The following SHQ1 variants were observed in gnomAD, a reference collection of about 807,000 sequenced individuals.
SHQ1 encodes the protein SHQ1, H/ACA ribonucleoprotein assembly factor, also known as protein SHQ1 homolog.
Under a neutral mutation model 53.8 loss-of-function variants are expected in SHQ1, and 49 were observed. The observed-to-expected ratio is 0.91, with a 90% CI of 0.72 to 1.16. The LOEUF (loss-of-function observed/expected upper bound fraction) is 1.16, where lower values mean the gene tolerates loss of function less well. SHQ1 is among the 50% of genes most tolerant of loss of function. SHQ1 has a pLI of 0.00. For missense variants in SHQ1, 738 were observed against 683.1 expected, an observed-to-expected ratio of 1.08 and a Z score of -0.90; for synonymous variants, 243 against 251.0, an observed-to-expected ratio of 0.97 and a Z score of 0.30.
At chr3:72,833,526 AT>A (rs371079141) in intron 4 of SHQ1, among the ~76,000 whole-genome samples, 23 of 138,978 alleles carry the variant, frequency 1.7e-4, no homozygotes, top group South Asian at 7.1e-4. Flanking sequence ...AGATAGATGG[AT>A]GATAGACAGA....
At chr3:72,846,039 A>G (rs1310277722) in intron 1 of SHQ1, among the ~76,000 whole-genome samples, 2 of 152,192 alleles carry the variant, frequency 1.3e-5, no homozygotes, top group East Asian at 3.9e-4. Flanking sequence ...AAGGGGGGAA[A>G]TAACAGTAAC....
chr3:72,783,728 A>C (rs1170361294), intron 10 of SHQ1, among the ~76,000 whole-genome samples: 1 of 152,188 alleles, frequency 6.6e-6, no homozygotes, highest in Non-Finnish European at 1.5e-5. Context: ...AAATACGTCA[A>C]ACCCATTTTT....
intron 10 of SHQ1, among the ~76,000 whole-genome samples, chr3:72,771,870 C>T (rs1428011054): frequency 2.0e-5 from 3 of 152,308 alleles, no homozygotes; most frequent in East Asian, 1.9e-4. Flanking sequence ...AAGCAGATTT[C>T]AATCAGATTT....
intron 10 of SHQ1, among the ~76,000 whole-genome samples, chr3:72,785,710 T>C (rs1277857399): frequency 6.6e-6 from 1 of 152,256 alleles, no homozygotes; most frequent in African/African-American, 2.4e-5. Context: ...CCATGTTGCA[T>C]ACATGTTCTC....
chr3:72,772,513 A>T (rs1705876710), intron 10 of SHQ1: 1 of 605,436 alleles, frequency 1.7e-6, no homozygotes, highest in East Asian at 3.5e-5. Flanking sequence ...TCAGACAGTG[A>T]TATGACAAGT....
chr3:72,760,116 T>C (rs1372620518), intron 10 of SHQ1, among the ~76,000 whole-genome samples: 2 of 152,216 alleles, frequency 1.3e-5, no homozygotes, highest in African/African-American at 4.8e-5. Context: ...TGGTGAGTGG[T>C]TCCATGTGGT....
intron 10 of SHQ1, among the ~76,000 whole-genome samples, chr3:72,751,500 G>GTATATATATATATATATA (rs1411876975): frequency 8.4e-6 from 1 of 119,596 alleles, no homozygotes; most frequent in African/African-American, 4.1e-5. Context: ...GTGTGTGTGT[G>GTATATATATATATATATA]TGTGTGTGTA....
chr3:72,812,566 A>T, intron 9 of SHQ1, 105 bp downstream of exon 9: 1 of 1,225,944 alleles, frequency 8.2e-7, no homozygotes, highest in Non-Finnish European at 1.2e-6. Context: ...ATTTTTCATT[A>T]CTTATTTATA....
At chr3:72,846,332 TTAC>T in intron 1 of SHQ1, 2 of 1,523,586 alleles carry the variant, frequency 1.3e-6, no homozygotes, top group Non-Finnish European at 1.8e-6. Flanking sequence ...TCTCGCTCTG[TTAC>T]TCAGGCTGGA....
chr3:72,774,061 T>G (rs1040076881), intron 10 of SHQ1, among the ~76,000 whole-genome samples: 5 of 152,212 alleles, frequency 3.3e-5, no homozygotes, highest in Non-Finnish European at 7.3e-5. Flanking sequence ...AAAGCTGGGA[T>G]AGCCATATTA....
chr3:72,804,618 GGAGAA>G (rs1575707039), intron 9 of SHQ1, among the ~76,000 whole-genome samples: 3 of 152,168 alleles, frequency 2.0e-5, no homozygotes. Flanking sequence ...TCCCTTGCAC[GGAGAA>G]TAGATTTGAT....
At chr3:72,729,910 C>T in the SHQ1 span, among the ~76,000 whole-genome samples, 25 of 151,974 alleles carry the variant, frequency 1.6e-4, no homozygotes, top group African/African-American at 5.3e-4. Context: ...CTCTGCCCCC[C>T]GGGGTTCACG....
chr3:72,734,483 T>C, the SHQ1 span, among the ~76,000 whole-genome samples: 6 of 151,282 alleles, frequency 4.0e-5, 1 homozygote, highest in Non-Finnish European at 8.8e-5. Context: ...CTCTATTTCC[T>C]GACCTGAAGT....
At position 72,750,112 on chromosome 3, in the gene SHQ1, T is replaced by C; in HGVS notation, c.*172A>G. On this transcript the variant is annotated 3_prime_UTR_variant, in exon 11 of 11. Coordinates refer to ENST00000325599, the MANE Select transcript of SHQ1 (RefSeq NM_018130.3). ...ACATGTTTGGTACAGATGCGATTTT[T>C]TCTTCAATATTTTTGATCTGCAGTT... 1.6e-6 allele frequency: 1 copy of C among 612,844 alleles called. No individual in the cohort carries two copies. Among genetic ancestry groups the C allele is most frequent in the Non-Finnish European group, 2.8e-6 (1 of 354,402 alleles). The allele number at this position is 612,844 out of a possible 1,614,324, so 38.0% of individuals were successfully genotyped here. A position where few individuals can be genotyped will look rare whatever the true frequency, so the allele number is the denominator to read the frequency against.
chr3:72,742,603 T>TTTTTTTTC, the SHQ1 span, among the ~76,000 whole-genome samples: 21 of 145,352 alleles, frequency 1.4e-4, no homozygotes, highest in Admixed American at 6.1e-4. Context: ...GAGTTGTTCT[T>TTTTTTTTC]TTTTTTTCTT....
chr3:72,756,433 G>A (rs1248950668), intron 10 of SHQ1, among the ~76,000 whole-genome samples: 11 of 151,922 alleles, frequency 7.2e-5, no homozygotes, highest in South Asian at 4.2e-4. Flanking sequence ...GCGCCACCAC[G>A]CCCGGCTAAT....
intron 6 of SHQ1, among the ~76,000 whole-genome samples, chr3:72,821,281 T>C (rs112914449): frequency 6.6e-6 from 1 of 152,178 alleles, no homozygotes; most frequent in African/African-American, 2.4e-5. Flanking sequence ...AAATGTTACG[T>C]GGTGTCATAA....
intron 4 of SHQ1, among the ~76,000 whole-genome samples, chr3:72,836,575 T>C (rs1397778704): frequency 6.6e-6 from 1 of 152,108 alleles, no homozygotes; most frequent in Non-Finnish European, 1.5e-5. Flanking sequence ...TCATGCAACA[T>C]GTACACAGCA....
chr3:72,815,522 A>T, intron 7 of SHQ1, 119 bp from the exon 8 acceptor site: 1 of 737,532 alleles, frequency 1.4e-6, no homozygotes, highest in Non-Finnish European at 2.3e-6. Flanking sequence ...AGAACTAAGA[A>T]GTGTTCACGA....
Sources: allele counts gnomAD v4.1 joint callset (sites outside exome capture counted in the v4.1 genomes callset), GRCh38; gene constraint gnomAD v4.1.1; transcripts MANE v1.5; gene names NCBI Gene and HGNC (gene_info 2026-07-23, HGNC 2026-07-21).